The following CSF1R variants were observed in gnomAD, a reference collection of about 807,000 sequenced individuals.
The protein encoded by CSF1R is macrophage colony-stimulating factor 1 receptor.
Under a neutral mutation model 110.0 loss-of-function variants are expected in CSF1R, and 40 were observed. The observed-to-expected ratio is 0.36, with a 90% CI of 0.28 to 0.47. CSF1R has a LOEUF of 0.47. Among genes scored for constraint, CSF1R ranks in the 20% least tolerant of loss-of-function variants. The pLI is 0.99. For missense variants in CSF1R, 1,052 were observed against 1,253.0 expected, an observed-to-expected ratio of 0.84 and a Z score of 2.42; for synonymous variants, 523 against 503.4, an observed-to-expected ratio of 1.04 and a Z score of -0.52.
At chr5:150,068,415 G>A in intron 9 of CSF1R, 85 bp from the exon 10 acceptor site, 1 of 858,260 alleles carries the variant, frequency 1.2e-6, no homozygotes, top group South Asian at 1.6e-5. Context: ...CTGGAACACA[G>A]TGGGTGCTCA....
chr5:150,073,035 T>C (rs1461110096), intron 6 of CSF1R, among the ~76,000 whole-genome samples: 1 of 152,166 alleles, frequency 6.6e-6, no homozygotes, highest in Non-Finnish European at 1.5e-5. Context: ...GAATGCACAC[T>C]CCCAAGAAAT....
chr5:150,063,102 C>T (rs746798771), intron 10 of CSF1R, among the ~76,000 whole-genome samples: 1 of 151,998 alleles, frequency 6.6e-6, no homozygotes, highest in African/African-American at 2.4e-5. Flanking sequence ...ACTACAGCCT[C>T]GACCCCCGAG....
chr5:150,076,361 T>C (rs970905488), intron 5 of CSF1R, among the ~76,000 whole-genome samples: 4 of 150,116 alleles, frequency 2.7e-5, no homozygotes, highest in African/African-American at 9.9e-5. Context: ...TATCTATCTA[T>C]CTATCTATCT....
chr5:150,077,740 A>T (rs1364837471), intron 4 of CSF1R, among the ~76,000 whole-genome samples: 5 of 152,100 alleles, frequency 3.3e-5, no homozygotes, highest in African/African-American at 1.2e-4. Flanking sequence ...CCTCTCTCCC[A>T]ATGTCTTTCT....
intron 1 of CSF1R, among the ~76,000 whole-genome samples, chr5:150,108,161 G>A (rs1411465343): frequency 6.6e-6 from 1 of 152,238 alleles, no homozygotes; most frequent in Admixed American, 6.5e-5. Flanking sequence ...CAGGGTATGG[G>A]AGGCTAAGAA....
chr5:150,056,023 C>T lies in CSF1R; in HGVS notation c.2554+3G>A, dbSNP rs377388187. ...TCTGCCTGGAGTGGGCCCAGTGGCTCACCAAGTGAGAAGATCTCCCAGAGG... is the reference window on the plus strand; with the variant it reads ...TCTGCCTGGAGTGGGCCCAGTGGCTTACCAAGTGAGAAGATCTCCCAGAGG... On this transcript the variant is annotated splice_donor_region_variant and intron_variant, in intron 18 of 20. Coordinates refer to ENST00000675795, the MANE Select transcript of CSF1R (RefSeq NM_001288705.3). 126 of 1,613,674 alleles carry T rather than the reference C, an allele frequency of 7.8e-5. No homozygotes were observed. Among genetic ancestry groups the T allele is most frequent in the Non-Finnish European group, 1.0e-4 (123 of 1,179,750 alleles).
rs144414073 is a variant in CSF1R, at chr5:150,054,208, G to A, written c.2780C>T (p.Pro927Leu). 10 of 1,611,768 alleles carry A rather than the reference G, an allele frequency of 6.2e-6. No homozygotes were observed. Among genetic ancestry groups the A allele is most frequent in the Middle Eastern group, 1.6e-4 (1 of 6,078 alleles). Reference sequence around the variant, plus strand: ...GCTGCCACCGCTTCTGCTGCTGCTCGGCAGATTGGTATAGTCCTGAGGGTG... The same window carrying A: ...GCTGCCACCGCTTCTGCTGCTGCTCAGCAGATTGGTATAGTCCTGAGGGTG... ...DRRERDYTNL[P>L]SSSRSGGSGS... Residue 927 changes from proline to leucine, a missense_variant, in exon 21 of 21, where the codon CCG (proline) becomes CTG (leucine). Coordinates refer to ENST00000675795, the MANE Select transcript of CSF1R (RefSeq NM_001288705.3).
intron 1 of CSF1R, among the ~76,000 whole-genome samples, chr5:150,099,210 G>A (rs1056040138): frequency 7.3e-5 from 11 of 151,682 alleles, no homozygotes; most frequent in South Asian, 2.1e-4. Flanking sequence ...GCCTGGCCAC[G>A]AACAACTATT....
At chr5:150,086,701 G>C (rs1174158636), upstream of CSF1R, 1 of 419,566 alleles carries the variant, frequency 2.4e-6, no homozygotes, top group Admixed American at 3.5e-5. Context: ...GTCTGGGGCA[G>C]GGCCAGCCTG....
chr5:150,054,016 G>C lies in CSF1R; in HGVS notation c.*53C>G. 1 of 1,561,318 alleles carries C rather than the reference G, an allele frequency of 6.4e-7. No individual in the cohort carries two copies. Among genetic ancestry groups the C allele is most frequent in the Non-Finnish European group, 8.8e-7 (1 of 1,137,400 alleles). On this transcript the variant is annotated 3_prime_UTR_variant, in exon 21 of 21. Transcript: ENST00000675795. ...GTTCTCCCCGTGTCGCCCCATCCAT[G>C]GAGGAGTTGAAGTTTGTGGGAGGGG... is the stretch of plus-strand genomic sequence containing the variant.
rs1757528570 is a variant in CSF1R, at chr5:150,061,574, G to A, written c.1775C>T (p.Ala592Val). ...LQFGKTLGAG[A>V]FGKVVEATAF... is the part of the protein sequence containing the mutation. ...CGTGGCCTCCACCACCTTCCCAAAGGCTCCAGCTCCGAGGGTCTTACCTGC... is the reference window on the plus strand; with the variant it reads ...CGTGGCCTCCACCACCTTCCCAAAGACTCCAGCTCCGAGGGTCTTACCTGC... The change falls in exon 12 of 21, where the codon GCC becomes GTC. Residue 592 changes from alanine (A) to valine (V), a missense_variant. Ala to Val is a moderately conservative substitution (Grantham distance 64). Around this residue, in one of 5 missense-constraint regions of CSF1R, gnomAD observed 76 missense variants for 133.6 expected, o/e 0.57. Coordinates refer to ENST00000675795, the MANE Select transcript of CSF1R (RefSeq NM_001288705.3). The A allele has an allele frequency of 6.2e-7, 1 of 1,613,882 alleles. No homozygotes were observed. Among genetic ancestry groups the A allele is most frequent in the Non-Finnish European group, 8.5e-7 (1 of 1,179,944 alleles).
intron 7 of CSF1R, 76 bp downstream of exon 7, chr5:150,070,380 C>A: frequency 6.3e-7 from 1 of 1,582,312 alleles, no homozygotes; most frequent in Non-Finnish European, 8.6e-7. Flanking sequence ...TTCCCTGTGC[C>A]CTGCCCCAGT....
chr5:150,105,218 C>T (rs1581352345), intron 1 of CSF1R, among the ~76,000 whole-genome samples: 1 of 148,052 alleles, frequency 6.8e-6, no homozygotes, highest in East Asian at 2.1e-4. Flanking sequence ...CGTGGTGGCA[C>T]GTGGCTGTAG....
chr5:150,068,138 G>A (rs747844490), intron 10 of CSF1R, 77 bp downstream of exon 10: 26 of 1,113,702 alleles, frequency 2.3e-5, no homozygotes, highest in Non-Finnish European at 3.3e-5. Context: ...GAGGAAGGGT[G>A]AATCCATGCA....
intron 1 of CSF1R, among the ~76,000 whole-genome samples, chr5:150,106,592 A>C (rs538598054): frequency 1.4e-4 from 22 of 152,272 alleles, no homozygotes; most frequent in African/African-American, 5.3e-4. Flanking sequence ...TCTAGGCCTG[A>C]GGATTGAGCT....
At chr5:150,079,823 A>C (rs1231666421) in intron 3 of CSF1R, among the ~76,000 whole-genome samples, 1 of 152,202 alleles carries the variant, frequency 6.6e-6, no homozygotes, top group African/African-American at 2.4e-5. Context: ...ATGACTTGAG[A>C]TGACCTTGCC....
At chr5:150,074,305 GTTTTT>G (rs35475636) in intron 5 of CSF1R, among the ~76,000 whole-genome samples, 2 of 126,866 alleles carry the variant, frequency 1.6e-5, no homozygotes, top group African/African-American at 3.0e-5. Context: ...GTCCTGACTA[GTTTTT>G]TTTTTTTTTT....
chr5:150,071,683 T>G (rs1427247861), intron 6 of CSF1R, among the ~76,000 whole-genome samples: 2 of 152,218 alleles, frequency 1.3e-5, no homozygotes, highest in Non-Finnish European at 2.9e-5. Context: ...GGGCCCAGAC[T>G]ACTGTGTTTT....
chr5:150,061,444 GCATCTA>G, intron 12 of CSF1R, 41 bp downstream of exon 12: 1 of 584,962 alleles, frequency 1.7e-6, no homozygotes, highest in East Asian at 3.5e-5. Context: ...CCCACCCCCA[GCATCTA>G]CCACCCCCCA....
Sources: gnomAD v4.1 joint callset for allele counts (sites outside exome capture counted in the v4.1 genomes callset) on GRCh38, gnomAD v4.1.1 for gene constraint, gnomAD v4.1.1 regional missense constraint, MANE v1.5 for transcripts, NCBI Gene and HGNC (gene_info 2026-07-23, HGNC 2026-07-21) for gene names.